Variants in TNRC18 observed in about 807,000 individuals in gnomAD.
TNRC18 encodes the protein trinucleotide repeat containing 18.
A neutral mutation model predicts 226.7 loss-of-function variants in TNRC18; 69 were observed. The ratio of observed to expected loss-of-function variants is 0.30; its 90% confidence interval spans 0.25 to 0.37. The LOEUF is 0.37. Among genes scored for constraint, TNRC18 ranks in the 10% least tolerant of loss-of-function variants. The pLI, the probability that TNRC18 is intolerant of heterozygous loss-of-function variation, is 1.00. For synonymous variants in TNRC18, 2,449 were observed against 1,927.6 expected (o/e 1.27, Z -7.09); for missense variants, 4,754 against 4,256.6 (o/e 1.12, Z -3.25).
At position 5,377,103 on chromosome 7, in the gene TNRC18, C is replaced by G; in HGVS notation, c.2462-110G>C. The G allele has an allele frequency of 6.9e-7, 1 of 1,448,304 alleles. No individual in the cohort carries two copies. Among genetic ancestry groups the G allele is most frequent in the Non-Finnish European group, 9.2e-7 (1 of 1,082,094 alleles). 89.7% of individuals were successfully genotyped at this position (1,448,304 alleles called of 1,614,324 possible). A position where few individuals can be genotyped will look rare whatever the true frequency, so the allele number is the denominator to read the frequency against. ...CCAAGTCCTGAACCTCCTGGGGCCT[C>G]CAGTGGGGAAGCCAAGGGACAGGGG... On this transcript the variant is annotated intron_variant, in intron 7 of 29. Coordinates refer to ENST00000430969, the MANE Select transcript of TNRC18 (RefSeq NM_001080495.3). This position sits in a 1 kb window ranked among gnomAD's most constrained non-coding sequence, Gnocchi z 5.8.
At position 5,380,897 on chromosome 7, in the gene TNRC18, G is replaced by A. The variant is rs182711616; in HGVS notation, c.2153-2873C>T. Among the ~76,000 whole-genome samples the A allele has an allele frequency of 6.6e-3, 1,001 of 152,334 alleles. 8 individuals carry two copies. Among genetic ancestry groups the A allele is most frequent in the Non-Finnish European group, 8.1e-3 (548 of 68,018 alleles). On this transcript the variant is annotated intron_variant, in intron 5 of 29. Coordinates refer to ENST00000430969, the MANE Select transcript of TNRC18 (RefSeq NM_001080495.3). ...GAATCCCAGAGGCTCAGCCACCTGAGGGGGCCACCCTCACGCCCCCTGGGT... is the reference window on the plus strand; with the variant it reads ...GAATCCCAGAGGCTCAGCCACCTGAAGGGGCCACCCTCACGCCCCCTGGGT...
chr7:5,330,830 T>A (rs1345934609), intron 19 of TNRC18, among the ~76,000 whole-genome samples: 1 of 152,086 alleles, frequency 6.6e-6, no homozygotes, highest in Non-Finnish European at 1.5e-5. Context: ...CCCGCCACCA[T>A]GCCTGGCTAA....
chr7:5,389,212 A>G lies in TNRC18; in HGVS notation c.612T>C (p.Gly204=). ...APAKGSSSRD[G]PAKERAGRGG... is the part of the protein sequence containing the mutation. ...CGCGGCCCGCCCGCTCCTTGGCTGG[A>G]CCGTCCCGCGACGACGAGCCTTTGG... is the stretch of plus-strand genomic sequence containing the variant. Residue 204 remains glycine (G), a synonymous_variant, in exon 5 of 30, where the codon GGT becomes GGC. Coordinates refer to ENST00000430969, the MANE Select transcript of TNRC18 (RefSeq NM_001080495.3). 1 of 1,342,824 alleles carries G rather than the reference A, an allele frequency of 7.4e-7. No individual in the cohort carries two copies. The highest frequency in any genetic ancestry group is 9.5e-7 in the Non-Finnish European group (1 of 1,048,954). 83.2% of individuals were successfully genotyped at this position (1,342,824 alleles called of 1,614,324 possible). A position where few individuals can be genotyped will look rare whatever the true frequency, so the allele number is the denominator to read the frequency against.
rs185897064 is a variant in TNRC18, at chr7:5,321,693, T to C, written c.6443-503A>G. Among the ~76,000 whole-genome samples the C allele has an allele frequency of 6.3e-3, 951 of 150,616 alleles. 9 individuals are homozygous for C. Among genetic ancestry groups the C allele is most frequent in the African/African-American group, 0.023 (926 of 40,674 alleles). Reference sequence around the variant, plus strand: ...TTTATTTATTTATTTATTTTTGAGATGGAGTTTCAATCTTGTTGCCCAGGC... The same window carrying C: ...TTTATTTATTTATTTATTTTTGAGACGGAGTTTCAATCTTGTTGCCCAGGC... On this transcript the variant is annotated intron_variant, in intron 21 of 29. Coordinates refer to ENST00000430969, the MANE Select transcript of TNRC18 (RefSeq NM_001080495.3).
At chr7:5,408,469 G>T (rs545939888) in intron 2 of TNRC18, among the ~76,000 whole-genome samples, 22 of 151,982 alleles carry the variant, frequency 1.4e-4, no homozygotes, top group African/African-American at 5.1e-4. Context: ...CCAACATGAT[G>T]AAACCCTGTC....
chr7:5,362,610 TCCCCCGCGGA>T (rs1324821566), intron 12 of TNRC18, 30 bp downstream of exon 12: 1 of 1,487,986 alleles, frequency 6.7e-7, no homozygotes, highest in Non-Finnish European at 9.0e-7. Flanking sequence ...CCACCCAGCC[TCCCCCGCGGA>T]CCCCAGGGAG....
At chr7:5,386,607 G>A (rs1021454669) in intron 5 of TNRC18, among the ~76,000 whole-genome samples, 5 of 151,350 alleles carry the variant, frequency 3.3e-5, no homozygotes, top group African/African-American at 7.3e-5. Flanking sequence ...AAAATTAGTC[G>A]GGCGTGGTGG....
chr7:5,388,206 C>T lies in TNRC18; in HGVS notation c.1618G>A (p.Ala540Thr), dbSNP rs776731387. The change falls in exon 5 of 30, where the codon GCC becomes ACC. Residue 540 changes from alanine (A) to threonine (T), a missense_variant. Transcript: ENST00000430969. ...HHHSRAEEEA[A>T]VVAASSSKKA... is the part of the protein sequence containing the mutation. ...TTGGAGGAGGAGGCAGCGACCACGG[C>T]GGCCTCCTCTTCGGCGCGGCTGTGG... 2 of 1,596,236 alleles carry T rather than the reference C, an allele frequency of 1.3e-6. No homozygotes were observed. Among genetic ancestry groups the T allele is most frequent in the Admixed American group, 1.7e-5 (1 of 57,848 alleles).
chr7:5,334,195 G>C (rs1789843814), intron 18 of TNRC18, among the ~76,000 whole-genome samples: 1 of 152,242 alleles, frequency 6.6e-6, no homozygotes, highest in Non-Finnish European at 1.5e-5. Context: ...TGAGAGGCTT[G>C]CTCTGCACTG....
rs1194415437 is a variant in TNRC18, at chr7:5,370,513, C to T, written c.4081G>A (p.Gly1361Ser). 2 of 1,598,210 alleles carry T rather than the reference C, an allele frequency of 1.3e-6. No individual in the cohort carries two copies. Among genetic ancestry groups the T allele is most frequent in the Non-Finnish European group, 1.7e-6 (2 of 1,172,648 alleles). ...LPQARPLPSP[G>S]AAGAQALEKL... ...TCCAAGGCCTGGGCTCCAGCAGCAC[C>T]CGGGGAGGGCAGAGGCCTGGCCTGG... Residue 1361 changes from glycine to serine, a missense_variant, in exon 11 of 30, where the codon GGT (glycine) becomes AGT (serine). Coordinates refer to ENST00000430969, the MANE Select transcript of TNRC18 (RefSeq NM_001080495.3).
chr7:5,370,920 C>A lies in TNRC18; in HGVS notation c.3674G>T (p.Gly1225Val). The change falls in exon 11 of 30, where the codon GGG becomes GTG. Residue 1225 changes from glycine (G) to valine (V), a missense_variant. Gly to Val is a moderately radical substitution (Grantham distance 109, BLOSUM62 -3). Coordinates refer to ENST00000430969, the MANE Select transcript of TNRC18 (RefSeq NM_001080495.3). ...EPSECPDFVE[G>V]PEPRVDSPGR... ...CGGGGAATCCACCCGTGGTTCAGGC[C>A]CCTCCACAAAGTCTGGACACTCAGA... 6.2e-7 allele frequency: 1 copy of A among 1,605,512 alleles called. No individual in the cohort carries two copies.
chr7:5,329,315 A>G (rs922811220), intron 19 of TNRC18, among the ~76,000 whole-genome samples: 1 of 151,800 alleles, frequency 6.6e-6, no homozygotes, highest in Non-Finnish European at 1.5e-5. Flanking sequence ...AAAAAAAAAA[A>G]AGATAGAAAA....
intron 17 of TNRC18, among the ~76,000 whole-genome samples, chr7:5,351,273 G>A (rs1214657576): frequency 1.3e-5 from 2 of 152,068 alleles, no homozygotes; most frequent in Non-Finnish European, 2.9e-5. Flanking sequence ...CAGCAAGAGA[G>A]ACAAGGCACA....
chr7:5,395,720 G>A (rs1253620279), intron 2 of TNRC18, among the ~76,000 whole-genome samples: 2 of 152,228 alleles, frequency 1.3e-5, no homozygotes, highest in African/African-American at 4.8e-5. Context: ...GGCCGAACAC[G>A]GTGGCTCAAG....
At chr7:5,332,579 C>T (rs1254613599) in intron 19 of TNRC18, 43 bp downstream of exon 19, 13 of 1,499,956 alleles carry the variant, frequency 8.7e-6, no homozygotes, top group Non-Finnish European at 9.8e-6. Context: ...TCACGGAACC[C>T]CAGGGACCCT....
At chr7:5,356,446 G>C (rs1792387232) in intron 16 of TNRC18, among the ~76,000 whole-genome samples, 1 of 152,190 alleles carries the variant, frequency 6.6e-6, no homozygotes, top group Non-Finnish European at 1.5e-5. Context: ...CCAACACTTC[G>C]CGACAAAGCC....
chr7:5,352,189 A>G, intron 16 of TNRC18, 95 bp from the exon 17 acceptor site: 10 of 1,334,362 alleles, frequency 7.5e-6, no homozygotes, highest in Non-Finnish European at 1.0e-5. Context: ...ACGTACTGGA[A>G]GGTGCCAGAA....
intron 5 of TNRC18, among the ~76,000 whole-genome samples, chr7:5,383,056 G>C (rs558980631): frequency 6.7e-6 from 1 of 149,492 alleles, no homozygotes; most frequent in East Asian, 1.9e-4. Flanking sequence ...CACTATGCTC[G>C]GATGATTTAT....
intron 19 of TNRC18, 60 bp from the exon 20 acceptor site, chr7:5,325,308 C>T (rs768641236): frequency 1.3e-6 from 2 of 1,522,042 alleles, no homozygotes; most frequent in Non-Finnish European, 1.8e-6. Flanking sequence ...AGGCAGCACC[C>T]CTGTCCCCCT....
Sources: allele counts gnomAD v4.1 joint callset (sites outside exome capture counted in the v4.1 genomes callset), GRCh38; gene constraint gnomAD v4.1.1; non-coding constraint Gnocchi (gnomAD v3.1); transcripts MANE v1.5; gene names NCBI Gene and HGNC (gene_info 2026-07-23, HGNC 2026-07-21).